Variants in CLSTN2 observed in about 807,000 individuals in gnomAD.
The protein encoded by CLSTN2 is calsyntenin 2.
In CLSTN2, 48 loss-of-function variants were observed where a neutral mutation model predicts 101.2. The ratio of observed to expected loss-of-function variants is 0.47; its 90% CI spans 0.38 to 0.60. CLSTN2 has a LOEUF of 0.60. Ranked by LOEUF, CLSTN2 falls within the 20% of genes least tolerant of loss-of-function variation. CLSTN2 has a pLI of 0.00. For missense variants in CLSTN2, 1,160 were observed against 1,238.2 expected, an observed-to-expected ratio of 0.94 and a Z score of 0.95; for synonymous variants, 481 against 463.6, an observed-to-expected ratio of 1.04 and a Z score of -0.48.
chr3:140,051,980 AC>A (rs2008005507), intron 1 of CLSTN2, among the ~76,000 whole-genome samples: 1 of 152,050 alleles, frequency 6.6e-6, no homozygotes, highest in African/African-American at 2.4e-5. Flanking sequence ...TGGTCTGGGA[AC>A]CCCACTTTGA....
At chr3:139,972,400 A>G (rs1333016055) in intron 1 of CLSTN2, among the ~76,000 whole-genome samples, 3 of 152,204 alleles carry the variant, frequency 2.0e-5, no homozygotes, top group Non-Finnish European at 4.4e-5. Context: ...GGCTGAGTGA[A>G]GGAAATAATG....
In CLSTN2 at chr3:140,412,108, C is replaced by T. The variant is rs544350227; in HGVS notation, c.637+7342C>T. Reference sequence around the variant, plus strand: ...TAGGCTCACCATAACCTCTGCCTCCCGGGTTCAAGTGATTCACCTGCCTCA... The same window carrying T: ...TAGGCTCACCATAACCTCTGCCTCCTGGGTTCAAGTGATTCACCTGCCTCA... On this transcript the variant is annotated intron_variant, in intron 4 of 16. Transcript: ENST00000458420. 9.8e-5 allele frequency among the ~76,000 whole-genome samples: 15 copies of T among 152,306 alleles called. No homozygotes were observed. In the East Asian group the frequency reaches 1.5e-3, roughly 16 times the overall value.
At chr3:140,420,928 G>T (rs2107991070) in intron 4 of CLSTN2, among the ~76,000 whole-genome samples, 197 bp from the exon 5 acceptor site, 1 of 152,336 alleles carries the variant, frequency 6.6e-6, no homozygotes, top group African/African-American at 2.4e-5. Flanking sequence ...CAGCCAGTGG[G>T]TTCCCAGGAA....
chr3:140,448,566 C>A lies in CLSTN2; in HGVS notation c.835C>A (p.Leu279Met). The change falls in exon 6 of 17, where the codon CTG becomes ATG. Residue 279 changes from leucine (L) to methionine (M), a missense_variant. Physicochemically the swap from Leu to Met is conservative, Grantham distance 15. Transcript: ENST00000458420. ...CCAGCCTGGCTCCGGGAGCATGCCCCTGTTCCCCAGCATCCACCTGGAGAC... is the reference window on the plus strand; with the variant it reads ...CCAGCCTGGCTCCGGGAGCATGCCCATGTTCCCCAGCATCCACCTGGAGAC... ...EYQPGSGSMP[L>M]FPSIHLETCD... 1 of 1,614,140 alleles carries A rather than the reference C, an allele frequency of 6.2e-7. No homozygotes were observed. Among genetic ancestry groups the A allele is most frequent in the South Asian group, 1.1e-5 (1 of 91,076 alleles).
chr3:140,464,549 T>A (rs10513114), intron 7 of CLSTN2, among the ~76,000 whole-genome samples: 19,070 of 152,192 alleles, frequency 0.13, 1,405 homozygotes, highest in East Asian at 0.25. Context: ...AGTTGACTCT[T>A]CGAATTCAGA....
chr3:140,038,070 G>A (rs2007694063), intron 1 of CLSTN2, among the ~76,000 whole-genome samples: 1 of 152,114 alleles, frequency 6.6e-6, no homozygotes, highest in Non-Finnish European at 1.5e-5. Context: ...CCAGTAATGG[G>A]ATTGCTGGGT....
chr3:140,385,384 T>TA (rs1553738887), intron 2 of CLSTN2, among the ~76,000 whole-genome samples: 15 of 105,426 alleles, frequency 1.4e-4, no homozygotes, highest in East Asian at 7.0e-4. Flanking sequence ...TTTTTTTTTT[T>TA]ATCTGAGATG....
chr3:140,287,111 C>T (rs2086902294), intron 2 of CLSTN2, among the ~76,000 whole-genome samples: 1 of 152,142 alleles, frequency 6.6e-6, no homozygotes, highest in Non-Finnish European at 1.5e-5. Context: ...ATCTATCTAG[C>T]TTCCTGAATT....
At chr3:140,486,172 C>T (rs1374670912) in intron 8 of CLSTN2, among the ~76,000 whole-genome samples, 4 of 151,992 alleles carry the variant, frequency 2.6e-5, no homozygotes, top group African/African-American at 4.8e-5. Context: ...TGACAAACAA[C>T]ATTTTACTGA....
At chr3:140,529,354 C>T (rs1316080917) in intron 8 of CLSTN2, among the ~76,000 whole-genome samples, 1 of 152,216 alleles carries the variant, frequency 6.6e-6, no homozygotes, top group African/African-American at 2.4e-5. Flanking sequence ...AGGCCTCAGG[C>T]ATCATTCTGG....
At chr3:140,452,964 G>C (rs1163676131) in intron 6 of CLSTN2, among the ~76,000 whole-genome samples, 5 of 152,320 alleles carry the variant, frequency 3.3e-5, no homozygotes, top group Non-Finnish European at 4.4e-5. Context: ...CTAGGCACCA[G>C]GCTTTCCAGA....
intron 1 of CLSTN2, among the ~76,000 whole-genome samples, chr3:140,154,694 G>T (rs1291563795): frequency 2.7e-5 from 4 of 146,080 alleles, no homozygotes; most frequent in Non-Finnish European, 6.0e-5. Context: ...GCCCAGGCTG[G>T]AGTGCAGTGG....
intron 7 of CLSTN2, chr3:140,462,768 A>G (rs1369125256): frequency 6.6e-6 from 1 of 152,166 alleles, no homozygotes; most frequent in Non-Finnish European, 1.5e-5. Flanking sequence ...AGGGTAGGCA[A>G]GCTCTACTTT....
In CLSTN2 at chr3:139,979,496, C is replaced by T. The variant is rs114979530; in HGVS notation, c.109+44013C>T. 6.0e-3 allele frequency among the ~76,000 whole-genome samples: 918 copies of T among 152,202 alleles called. 9 individuals are homozygous for T. The highest frequency in any genetic ancestry group is 0.021 in the African/African-American group (866 of 41,524). On this transcript the variant is annotated intron_variant, in intron 1 of 16. Coordinates refer to ENST00000458420, the MANE Select transcript of CLSTN2 (RefSeq NM_022131.3). Reference sequence around the variant, plus strand: ...ACACACCACAGCCCGCACATCCCTGCGAGATTGCTCGCCTACATGTCTCAG... The same window carrying T: ...ACACACCACAGCCCGCACATCCCTGTGAGATTGCTCGCCTACATGTCTCAG...
intron 1 of CLSTN2, among the ~76,000 whole-genome samples, chr3:139,957,647 T>A (rs1935431410): frequency 6.6e-6 from 1 of 152,144 alleles, no homozygotes. Context: ...AGTGATTTAA[T>A]GAGATGGTCT....
intron 8 of CLSTN2, among the ~76,000 whole-genome samples, chr3:140,522,877 G>A (rs913915836): frequency 2.0e-5 from 3 of 147,100 alleles, no homozygotes; most frequent in African/African-American, 7.4e-5. Flanking sequence ...TTAATCATTT[G>A]CTGTGTTTGC....
intron 1 of CLSTN2, among the ~76,000 whole-genome samples, chr3:139,998,567 A>G (rs2006744890): frequency 6.6e-6 from 1 of 151,368 alleles, no homozygotes; most frequent in Non-Finnish European, 1.5e-5. Context: ...GATGGTCTCT[A>G]TCTCCTGACC....
At chr3:139,974,962 C>A (rs971864696) in intron 1 of CLSTN2, among the ~76,000 whole-genome samples, 1 of 152,124 alleles carries the variant, frequency 6.6e-6, no homozygotes, top group African/African-American at 2.4e-5. Context: ...CTCTAAGGGG[C>A]AGGTGGGGTG....
intron 8 of CLSTN2, among the ~76,000 whole-genome samples, chr3:140,488,104 G>T (rs1248338865): frequency 1.3e-5 from 2 of 152,094 alleles, no homozygotes; most frequent in Non-Finnish European, 2.9e-5. Context: ...TGTCACATTA[G>T]GAACCCAGAG....
Sources: gnomAD v4.1 joint callset for allele counts (sites outside exome capture counted in the v4.1 genomes callset) on GRCh38, gnomAD v4.1.1 for gene constraint, MANE v1.5 for transcripts, NCBI Gene and HGNC (gene_info 2026-07-23, HGNC 2026-07-21) for gene names.